The following CNKSR1 variants were observed in gnomAD, a reference collection of about 807,000 sequenced individuals.
CNKSR1 encodes the protein connector enhancer of kinase suppressor of Ras 1.
In CNKSR1, 88 loss-of-function variants were observed where a neutral mutation model predicts 95.6. The ratio of observed to expected loss-of-function variants is 0.92; its 90% CI spans 0.78 to 1.10. The LOEUF (loss-of-function observed/expected upper bound fraction) is 1.10, where lower values mean the gene tolerates loss of function less well. CNKSR1 is among the 50% of genes least tolerant of loss of function. CNKSR1 has a pLI of 0.00. For synonymous variants in CNKSR1, 355 were observed against 369.7 expected (o/e 0.96, Z 0.46); for missense variants, 836 against 912.0 (o/e 0.92, Z 1.07).
rs200208173 is a variant in CNKSR1 at position 26,188,883 on chromosome 1, T to C, written c.1802T>C (p.Met601Thr). 3 of 1,613,264 alleles carry C rather than the reference T, an allele frequency of 1.9e-6. No individual in the cohort carries two copies. The highest frequency in any genetic ancestry group is 4.5e-5 in the East Asian group (2 of 44,820). ...CAGGAACAGTGGCGGAGCTCTTTCA[T>C]GCGGCGCAACCGAGACCCTCAGCTC... Reference protein sequence around the residue: ...LTQEQWRSSFMRRNRDPQLNE... With the variant: ...LTQEQWRSSFTRRNRDPQLNE... Residue 601 changes from methionine to threonine, a missense_variant, in exon 20 of 21, where the codon ATG becomes ACG. By Grantham distance (81) the Met-to-Thr change is moderately conservative (BLOSUM62 -1). Transcript: ENST00000361530.
At chr1:26,178,043 C>T (rs1217912764) in intron 1 of CNKSR1, among the ~76,000 whole-genome samples, 1 of 152,182 alleles carries the variant, frequency 6.6e-6, no homozygotes, top group Non-Finnish European at 1.5e-5. Context: ...GAGCACCTAA[C>T]ATGTTCCAGG....
In CNKSR1 at chr1:26,182,415, G is replaced by T; in HGVS notation, c.519+13G>T. The T allele has an allele frequency of 6.2e-7, 1 of 1,614,050 alleles. No individual in the cohort carries two copies. The highest frequency in any genetic ancestry group is 8.5e-7 in the Non-Finnish European group (1 of 1,179,946). On this transcript the variant is annotated intron_variant, in intron 5 of 20. Coordinates refer to ENST00000361530, the MANE Select transcript of CNKSR1 (RefSeq NM_006314.3). ...AGTCCTGAGGATCGTGAGTCTGTGG[G>T]GTGGGAAGAGAGTGGGGGTAGGGGC... is the stretch of plus-strand genomic sequence containing the variant.
intron 6 of CNKSR1, 96 bp downstream of exon 6, chr1:26,182,680 C>A: frequency 8.7e-7 from 1 of 1,148,460 alleles, no homozygotes; most frequent in South Asian, 1.3e-5. Flanking sequence ...CCTGTGCTGC[C>A]ATGGCTGGAA....
Position 26,183,223 on chromosome 1 carries a change from T to C in CNKSR1, c.651T>C (p.Asn217=), listed in dbSNP as rs1455123038. The change falls in exon 7 of 21, where the codon AAT becomes AAC. Residue 217 remains asparagine, a synonymous_variant. Transcript: ENST00000361530. ...GCCTAGAAATTCACACCACCAGCAA[T>C]TGCCAGCACTTTGTGTCCCAAGTGG... The part of the protein sequence containing the change: ...PLGLEIHTTS[N]CQHFVSQVDT... 1.2e-6 allele frequency: 2 copies of C among 1,613,926 alleles called. No homozygotes were observed. The highest frequency in any genetic ancestry group is 1.7e-5 in the Admixed American group (1 of 60,012).
chr1:26,181,094 A>C, intron 3 of CNKSR1, 198 bp downstream of exon 3: 1 of 627,142 alleles, frequency 1.6e-6, no homozygotes, highest in East Asian at 3.0e-5. Context: ...AGCCTGGCCA[A>C]CATGGTGAAA....
chr1:26,180,405 G>T (rs1387727996), intron 1 of CNKSR1, 48 bp from the exon 2 acceptor site: 22 of 1,610,258 alleles, frequency 1.4e-5, no homozygotes, highest in Non-Finnish European at 1.9e-5. Context: ...CATCCCAAAA[G>T]GTCCTGACAC....
chr1:26,177,653 A>C, intron 1 of CNKSR1, 54 bp downstream of exon 1: 1 of 1,596,540 alleles, frequency 6.3e-7, no homozygotes, highest in South Asian at 1.1e-5. Flanking sequence ...GTGGTGTCCC[A>C]CCGGGAAGCG....
At chr1:26,182,691 A>T in intron 6 of CNKSR1, 107 bp downstream of exon 6, 1 of 1,067,056 alleles carries the variant, frequency 9.4e-7, no homozygotes, top group South Asian at 1.4e-5. Flanking sequence ...ATGGCTGGAA[A>T]GCCTTTTTTG....
intron 1 of CNKSR1, among the ~76,000 whole-genome samples, chr1:26,177,894 G>A (rs940488981): frequency 3.9e-5 from 6 of 152,146 alleles, no homozygotes; most frequent in Admixed American, 6.5e-5. Flanking sequence ...TTGAACCCAG[G>A]AGGCAGAGGT....
chr1:26,188,183 A>G (rs759045187), intron 16 of CNKSR1, 51 bp from the exon 17 acceptor site: 1 of 1,511,336 alleles, frequency 6.6e-7, no homozygotes. Flanking sequence ...CCCAGCATAC[A>G]AGAGGGCCCC....
At chr1:26,189,218 C>G in intron 20 of CNKSR1, 61 bp from the exon 21 acceptor site, 1 of 1,596,366 alleles carries the variant, frequency 6.3e-7, no homozygotes, top group Admixed American at 1.7e-5. Context: ...TGAAGTCTGG[C>G]CTCGGGCTCT....
chr1:26,187,465 C>T lies in CNKSR1; in HGVS notation c.1437C>T (p.Thr479=), dbSNP rs371483950. 1.2e-6 allele frequency: 2 copies of T among 1,613,912 alleles called. No individual in the cohort carries two copies. Among genetic ancestry groups the T allele is most frequent in the African/African-American group, 2.7e-5 (2 of 74,884 alleles). ...VYKPFIFAAD[T]LTDLSMWVRH... ...AACCCTTCATCTTCGCTGCTGATAC[C>T]CTGACAGATCTGAGCATGTGAGTGC... The change falls in exon 16 of 21, where the codon ACC becomes ACT. Residue 479 remains threonine (T), a synonymous_variant. Transcript: ENST00000361530.
rs747362609 is a variant in CNKSR1, at chr1:26,185,165, C to A, written c.1287C>A (p.Leu429=). ...RRWFVLKGHT[L]YWYRQPQDEK... ...GGTTTGTGCTCAAGGGACACACGCT[C>A]TACTGGTACCGCCAGCCCCAGGTAA... The change falls in exon 14 of 21, where the codon CTC becomes CTA. Residue 429 remains leucine, a synonymous_variant. Transcript: ENST00000361530. 2 of 1,559,442 alleles carry A rather than the reference C, an allele frequency of 1.3e-6. No homozygotes were observed. Among genetic ancestry groups the A allele is most frequent in the Non-Finnish European group, 1.7e-6 (2 of 1,151,846 alleles).
chr1:26,188,179 A>T, intron 16 of CNKSR1, 55 bp from the exon 17 acceptor site: 1 of 1,482,462 alleles, frequency 6.7e-7, no homozygotes, highest in African/African-American at 1.4e-5. Context: ...AGCCCCCAGC[A>T]TACAAGAGGG....
intron 8 of CNKSR1, 34 bp downstream of exon 8, chr1:26,183,448 G>T: frequency 6.2e-7 from 1 of 1,609,538 alleles, no homozygotes; most frequent in Non-Finnish European, 8.5e-7. Flanking sequence ...AGGAGGTGAA[G>T]GGGTCACCGA....
intron 10 of CNKSR1, 29 bp downstream of exon 10, chr1:26,184,170 G>T (rs774529421): frequency 2.5e-6 from 4 of 1,612,224 alleles, no homozygotes; most frequent in Non-Finnish European, 2.5e-6. Context: ...GTGTGTCTTG[G>T]TGGGGAGACC....
chr1:26,179,778 T>C (rs761444246), intron 1 of CNKSR1, among the ~76,000 whole-genome samples: 3 of 152,212 alleles, frequency 2.0e-5, no homozygotes, highest in Non-Finnish European at 2.9e-5. Flanking sequence ...CATAGCCTCT[T>C]GTTCTTATCC....
intron 17 of CNKSR1, 45 bp from the exon 18 acceptor site, chr1:26,188,397 C>T (rs1278381766): frequency 5.6e-6 from 9 of 1,607,430 alleles, no homozygotes; most frequent in South Asian, 4.4e-5. Context: ...ATGCCCTAGG[C>T]CACTCCCTGG....
At chr1:26,189,160 C>A in intron 20 of CNKSR1, 119 bp from the exon 21 acceptor site, 2 of 1,380,966 alleles carry the variant, frequency 1.4e-6, no homozygotes, top group Non-Finnish European at 2.1e-6. Context: ...CTAGGCTCCT[C>A]GTGCCACGCT....
Sources: gnomAD v4.1 joint callset for allele counts (sites outside exome capture counted in the v4.1 genomes callset) on GRCh38, gnomAD v4.1.1 for gene constraint, MANE v1.5 for transcripts, NCBI Gene and HGNC (gene_info 2026-07-23, HGNC 2026-07-21) for gene names.